COX7B2: variants seen among roughly 807,000 people sequenced by gnomAD.
COX7B2 encodes the protein cytochrome c oxidase subunit 7B2, also known as cytochrome c oxidase subunit 7B2, mitochondrial.
For missense variants in COX7B2, 109 were observed against 95.9 expected (o/e 1.14, Z -0.57); for synonymous variants, 37 against 32.1 (o/e 1.15, Z -0.51).
intron 2 of COX7B2, among the ~76,000 whole-genome samples, chr4:46,811,186 A>G (rs974320799): frequency 1.3e-4 from 20 of 152,284 alleles, no homozygotes; most frequent in African/African-American, 4.3e-4. Flanking sequence ...CTGGATGTCC[A>G]TATCTCTTCC....
chr4:46,833,168 G>A (rs995614601), intron 2 of COX7B2, among the ~76,000 whole-genome samples: 1 of 152,188 alleles, frequency 6.6e-6, no homozygotes, highest in Non-Finnish European at 1.5e-5. Context: ...GCCTCCCAGA[G>A]TGCTGGGATT....
chr4:46,768,027 G>C (rs1372429298), intron 2 of COX7B2, among the ~76,000 whole-genome samples: 1 of 152,256 alleles, frequency 6.6e-6, no homozygotes, highest in Non-Finnish European at 1.5e-5. Context: ...AGCAGCGTCA[G>C]CGGTTGCCCG....
chr4:46,872,827 T>A (rs1031340315), intron 1 of COX7B2, among the ~76,000 whole-genome samples: 21 of 151,700 alleles, frequency 1.4e-4, no homozygotes, highest in Non-Finnish European at 3.1e-4. Flanking sequence ...TTGGTGTTAA[T>A]TTTTTTTTAT....
chr4:46,798,309 G>A (rs1718468203), intron 2 of COX7B2, among the ~76,000 whole-genome samples: 1 of 152,124 alleles, frequency 6.6e-6, no homozygotes, highest in Admixed American at 6.5e-5. Context: ...CTGGATTTGG[G>A]AGGCAATATT....
At chr4:46,798,399 G>A (rs982979471) in intron 2 of COX7B2, among the ~76,000 whole-genome samples, 1 of 152,152 alleles carries the variant, frequency 6.6e-6, no homozygotes, top group Non-Finnish European at 1.5e-5. Context: ...GCCATCAAAG[G>A]AAGGCTCTAC....
intron 1 of COX7B2, among the ~76,000 whole-genome samples, chr4:46,859,780 A>G (rs1192245856): frequency 6.6e-6 from 1 of 152,230 alleles, no homozygotes; most frequent in Non-Finnish European, 1.5e-5. Context: ...TACAAATGCC[A>G]TAGCAACACC....
At chr4:46,790,990 A>G (rs1360168886) in intron 2 of COX7B2, among the ~76,000 whole-genome samples, 1 of 151,932 alleles carries the variant, frequency 6.6e-6, no homozygotes, top group Admixed American at 6.6e-5. Flanking sequence ...TGTAACAGTA[A>G]CCCAGATTTT....
intron 2 of COX7B2, among the ~76,000 whole-genome samples, chr4:46,813,558 G>T (rs985069271): frequency 2.6e-5 from 4 of 152,144 alleles, no homozygotes; most frequent in Admixed American, 6.5e-5. Flanking sequence ...CCTGTCGTGG[G>T]GTGGAGGGCA....
intron 2 of COX7B2, among the ~76,000 whole-genome samples, chr4:46,750,241 C>CACACACAT (rs1553879322): frequency 2.1e-5 from 3 of 144,544 alleles, no homozygotes; most frequent in South Asian, 4.7e-4. Flanking sequence ...CACACACACA[C>CACACACAT]ACATTATCCA....
At chr4:46,867,299 G>T (rs1362926631) in intron 1 of COX7B2, among the ~76,000 whole-genome samples, 1 of 152,172 alleles carries the variant, frequency 6.6e-6, no homozygotes, top group Non-Finnish European at 1.5e-5. Context: ...TAACATTAAG[G>T]AGTAGTATAT....
Position 46,866,146 on chromosome 4 carries a change from C to T in COX7B2, c.-104-21132G>A, listed in dbSNP as rs77800131. ...GGATCCAACTTCTAAGTAAGGAAGCCGTACATGATGCCATGTCCAAGGCCA... is the reference window on the plus strand; with the variant it reads ...GGATCCAACTTCTAAGTAAGGAAGCTGTACATGATGCCATGTCCAAGGCCA... On this transcript the variant is annotated intron_variant, in intron 1 of 2. Transcript: ENST00000355591. 1.1e-4 allele frequency among the ~76,000 whole-genome samples: 16 copies of T among 152,252 alleles called. No individual in the cohort carries two copies. In the East Asian group the frequency reaches 1.9e-3, roughly 18 times the overall value.
chr4:46,820,199 T>G (rs1012122083), intron 2 of COX7B2, among the ~76,000 whole-genome samples: 1 of 152,196 alleles, frequency 6.6e-6, no homozygotes, highest in Non-Finnish European at 1.5e-5. Context: ...TTCCCTCAAC[T>G]AGATGGTCCC....
intron 2 of COX7B2, among the ~76,000 whole-genome samples, chr4:46,812,554 G>A (rs1577595265): frequency 6.6e-6 from 1 of 152,116 alleles, no homozygotes; most frequent in South Asian, 2.1e-4. Flanking sequence ...ATAAGGCCAG[G>A]TATAGCAGCA....
At chr4:46,811,794 G>T (rs758365705) in intron 2 of COX7B2, among the ~76,000 whole-genome samples, 28 of 152,254 alleles carry the variant, frequency 1.8e-4, no homozygotes, top group African/African-American at 6.5e-4. Context: ...TTCATAGGGG[G>T]AGACTTTCAC....
At chr4:46,761,033 C>A (rs1052901880) in intron 2 of COX7B2, among the ~76,000 whole-genome samples, 10 of 152,104 alleles carry the variant, frequency 6.6e-5, no homozygotes, top group African/African-American at 2.2e-4. Flanking sequence ...GTCCTTCTGG[C>A]CTTTCATTAC....
At chr4:46,795,743 A>T (rs1293797360) in intron 2 of COX7B2, among the ~76,000 whole-genome samples, 1 of 16,828 alleles carries the variant, frequency 5.9e-5, no homozygotes, top group South Asian at 3.0e-3. Context: ...GAAGAAAGTC[A>T]TTGGTAGCTT....
chr4:46,744,015 G>A (rs1014723241), intron 2 of COX7B2, among the ~76,000 whole-genome samples: 4 of 152,048 alleles, frequency 2.6e-5, no homozygotes, highest in Non-Finnish European at 4.4e-5. Flanking sequence ...ATGAACTCTA[G>A]CCTTCATTAT....
At chr4:46,756,699 A>G (rs1267193058) in intron 2 of COX7B2, among the ~76,000 whole-genome samples, 1 of 152,100 alleles carries the variant, frequency 6.6e-6, no homozygotes, top group African/African-American at 2.4e-5. Flanking sequence ...AAAAATATTC[A>G]ACATCACTAG....
intron 1 of COX7B2, among the ~76,000 whole-genome samples, chr4:46,849,816 T>C (rs1312259849): frequency 6.6e-6 from 1 of 152,000 alleles, no homozygotes; most frequent in East Asian, 1.9e-4. Context: ...TAGGTATATC[T>C]CCAAATGCTA....
Sources: gnomAD v4.1 joint callset for allele counts (sites outside exome capture counted in the v4.1 genomes callset) on GRCh38, gnomAD v4.1.1 for gene constraint, MANE v1.5 for transcripts, NCBI Gene and HGNC (gene_info 2026-07-23, HGNC 2026-07-21) for gene names.